The following MTM1 variants were observed in gnomAD, a reference collection of about 807,000 sequenced individuals.
MTM1 encodes the protein myotubularin 1.
MTM1 carries 9 observed loss-of-function variants against 52.1 expected under a neutral mutation model. That is an observed-to-expected ratio of 0.17 (90% CI 0.10 to 0.30). MTM1 has a LOEUF of 0.30. MTM1 is among the 10% of genes least tolerant of loss of function. MTM1 has a pLI of 1.00. For missense variants in MTM1, 277 were observed against 470.7 expected (o/e 0.59, Z 3.81); for synonymous variants, 136 against 163.8 (o/e 0.83, Z 1.29).
At chrX:150,661,289 G>A (rs1190149010) in intron 13 of MTM1, among the ~76,000 whole-genome samples, 1 of 111,502 alleles carries the variant, frequency 9.0e-6, no homozygotes, top group Admixed American at 9.5e-5. Flanking sequence ...CTCCCAAAGT[G>A]CTGGGATTGC....
intron 6 of MTM1, among the ~76,000 whole-genome samples, chrX:150,621,249 T>G (rs1464393300): frequency 2.7e-5 from 3 of 110,681 alleles, no homozygotes; most frequent in African/African-American, 9.9e-5. Flanking sequence ...TTAGGTTTGA[T>G]AACTTGAAGT....
At chrX:150,653,923 A>C (rs1186718444) in intron 10 of MTM1, among the ~76,000 whole-genome samples, 1 of 111,943 alleles carries the variant, frequency 8.9e-6, no homozygotes, top group African/African-American at 3.3e-5. Context: ...CTTTTAGTCC[A>C]AGACAAGCTA....
At chrX:150,623,177 G>T in intron 6 of MTM1, among the ~76,000 whole-genome samples, 1 of 110,949 alleles carries the variant, frequency 9.0e-6, no homozygotes, top group Non-Finnish European at 1.9e-5. Context: ...GTGAAGATAG[G>T]AAAGGAGCCA....
intron 1 of MTM1, among the ~76,000 whole-genome samples, chrX:150,582,948 C>T (rs1045157930): frequency 9.8e-6 from 1 of 101,742 alleles, no homozygotes; most frequent in African/African-American, 3.6e-5. Context: ...TCATTTCAAA[C>T]GGTGGATTTG....
rs782419230 is a variant in MTM1 at position 150,620,176 on chromosome X, GT to G, written c.444+1039del. ...TGATGAAAGTTCAATTAGGAAATGTGTTCTGTCTTGATTTATGCATATCTGG... is the reference window on the plus strand; with the variant it reads ...TGATGAAAGTTCAATTAGGAAATGTGTCTGTCTTGATTTATGCATATCTGG... On this transcript the variant is annotated intron_variant, in intron 6 of 14. Transcript: ENST00000370396. 3.6e-5 allele frequency among the ~76,000 whole-genome samples: 4 copies of G among 112,145 alleles called. No homozygotes were observed. The South Asian group carries it at 1.5e-3, about 42-fold the overall frequency.
At chrX:150,598,915 G>A (rs1557412680) in intron 4 of MTM1, among the ~76,000 whole-genome samples, 1 of 112,236 alleles carries the variant, frequency 8.9e-6, no homozygotes, top group African/African-American at 3.2e-5. Context: ...TGGGGGAGGG[G>A]TTAGTAATTG....
chrX:150,585,162 C>T (rs1482204564), intron 1 of MTM1, among the ~76,000 whole-genome samples: 1 of 110,659 alleles, frequency 9.0e-6, no homozygotes, highest in East Asian at 2.8e-4. Context: ...AGGTAAATGC[C>T]AACAAAGCAT....
intron 10 of MTM1, among the ~76,000 whole-genome samples, chrX:150,651,202 A>G (rs2040014180): frequency 8.9e-6 from 1 of 111,854 alleles, no homozygotes; most frequent in Non-Finnish European, 1.9e-5. Flanking sequence ...TTATTTTACA[A>G]TAGTTTTCAA....
chrX:150,669,504 G>A (rs147345993), intron 14 of MTM1, among the ~76,000 whole-genome samples: 1,885 of 111,817 alleles, frequency 0.017, 32 homozygotes, highest in African/African-American at 0.057. Context: ...AAGTGTTCCT[G>A]TTTCTCCACA....
At chrX:150,585,316 C>G (rs1158899246) in intron 1 of MTM1, among the ~76,000 whole-genome samples, 3 of 111,397 alleles carry the variant, frequency 2.7e-5, no homozygotes, top group Non-Finnish European at 5.7e-5. Flanking sequence ...TTTTTCCTCC[C>G]TCCTCCACTA....
At chrX:150,640,583 G>T (rs1284775522) in intron 7 of MTM1, among the ~76,000 whole-genome samples, 2 of 111,927 alleles carry the variant, frequency 1.8e-5, no homozygotes, top group African/African-American at 3.3e-5. Flanking sequence ...ACAATTTTGT[G>T]GGGGAGATGA....
At chrX:150,611,864 A>G (rs782106412) in intron 4 of MTM1, among the ~76,000 whole-genome samples, 43 of 112,166 alleles carry the variant, frequency 3.8e-4, no homozygotes, top group South Asian at 7.4e-4. Flanking sequence ...CAAGCACATT[A>G]TATAAAAGGA....
chrX:150,579,164 C>T (rs2038533139), intron 1 of MTM1, among the ~76,000 whole-genome samples: 1 of 110,563 alleles, frequency 9.0e-6, no homozygotes, highest in East Asian at 2.8e-4. Context: ...AAGCGATTCT[C>T]CCGCCTCAAC....
At chrX:150,576,489 A>G (rs2038474224) in intron 1 of MTM1, among the ~76,000 whole-genome samples, 1 of 111,730 alleles carries the variant, frequency 9.0e-6, no homozygotes, top group African/African-American at 3.3e-5. Flanking sequence ...TAATATAATT[A>G]TGTTCATTTG....
At chrX:150,598,848 A>G (rs782277564) in intron 4 of MTM1, among the ~76,000 whole-genome samples, 162 bp downstream of exon 4, 1 of 111,936 alleles carries the variant, frequency 8.9e-6, no homozygotes, top group Admixed American at 9.5e-5. Context: ...TTTAACACTA[A>G]CACTTGTATA....
intron 5 of MTM1, among the ~76,000 whole-genome samples, chrX:150,617,267 A>T (rs2039401681): frequency 1.8e-5 from 2 of 112,343 alleles, no homozygotes; most frequent in African/African-American, 6.5e-5. Flanking sequence ...GAAGAGAACG[A>T]TGTTACAGAG....
At chrX:150,647,221 A>ATG (rs373023705) in intron 9 of MTM1, among the ~76,000 whole-genome samples, 2,741 of 101,590 alleles carry the variant, frequency 0.027, 156 homozygotes, top group African/African-American at 0.1. Flanking sequence ...ATATATATAT[A>ATG]GCAATATTTT....
intron 6 of MTM1, among the ~76,000 whole-genome samples, chrX:150,623,346 T>G (rs2039513368): frequency 9.0e-6 from 1 of 111,045 alleles, no homozygotes; most frequent in Non-Finnish European, 1.9e-5. Context: ...TTTATTATCT[T>G]TGCAACTCTA....
chrX:150,578,439 T>C (rs1318785445), intron 1 of MTM1, among the ~76,000 whole-genome samples: 7 of 112,263 alleles, frequency 6.2e-5, no homozygotes, highest in Non-Finnish European at 1.3e-4. Context: ...AAGCTGTGCC[T>C]GGACACCTGA....
Sources: gnomAD v4.1 joint callset for allele counts (sites outside exome capture counted in the v4.1 genomes callset) on GRCh38, gnomAD v4.1.1 for gene constraint, MANE v1.5 for transcripts, NCBI Gene and HGNC (gene_info 2026-07-23, HGNC 2026-07-21) for gene names.